The following ROBO1 variants were observed in gnomAD, a reference collection of about 807,000 sequenced individuals.
ROBO1 encodes roundabout guidance receptor 1.
Under a neutral mutation model 195.9 loss-of-function variants are expected in ROBO1, and 149 were observed. That is an observed-to-expected ratio of 0.76 (90% CI 0.67 to 0.87). The LOEUF is 0.87. ROBO1 is among the 40% of genes least tolerant of loss of function. The pLI, the probability that ROBO1 is intolerant of heterozygous loss-of-function variation, is 0.00. For missense variants in ROBO1, 1,933 were observed against 2,068.3 expected (o/e 0.93, Z 1.27); for synonymous variants, 816 against 733.2 (o/e 1.11, Z -1.82).
intron 23 of ROBO1, among the ~76,000 whole-genome samples, 173 bp downstream of exon 23, chr3:78,635,600 T>C (rs908793546): frequency 3.3e-5 from 5 of 152,198 alleles, no homozygotes; most frequent in Admixed American, 2.6e-4. Flanking sequence ...TCCAAGGTTA[T>C]TGTTGTGCTA....
intron 1 of ROBO1, among the ~76,000 whole-genome samples, chr3:79,592,307 T>C (rs1217146009): frequency 6.6e-6 from 1 of 151,948 alleles, no homozygotes. Context: ...GTTATATTAT[T>C]CAACAGGCAG....
chr3:79,068,792 T>C (rs1013436359), intron 3 of ROBO1, among the ~76,000 whole-genome samples: 2 of 151,888 alleles, frequency 1.3e-5, no homozygotes, highest in Admixed American at 6.6e-5. Context: ...ACTTTCTCAA[T>C]TATTATTCTG....
At chr3:79,727,709 C>T (rs965097909) in intron 1 of ROBO1, among the ~76,000 whole-genome samples, 2 of 152,082 alleles carry the variant, frequency 1.3e-5, no homozygotes, top group Non-Finnish European at 2.9e-5. Flanking sequence ...TTTAAAAAAT[C>T]ATGTATTTTA....
At chr3:79,714,563 G>A (rs1345062888) in intron 1 of ROBO1, among the ~76,000 whole-genome samples, 1 of 151,392 alleles carries the variant, frequency 6.6e-6, no homozygotes, top group African/African-American at 2.4e-5. Context: ...TGTTTATTGT[G>A]GCACTATTCA....
At chr3:79,544,878 G>C (rs968519628) in intron 2 of ROBO1, among the ~76,000 whole-genome samples, 3 of 151,888 alleles carry the variant, frequency 2.0e-5, no homozygotes, top group Non-Finnish European at 4.4e-5. Context: ...TGAACTTAAG[G>C]TTTCTTTTTT....
intron 1 of ROBO1, among the ~76,000 whole-genome samples, chr3:79,655,716 T>A (rs1560074170): frequency 6.6e-6 from 1 of 152,032 alleles, no homozygotes; most frequent in Non-Finnish European, 1.5e-5. Context: ...ACTCAAAATA[T>A]AAGTGTTGAC....
chr3:79,432,185 C>T (rs1238593104), intron 2 of ROBO1, among the ~76,000 whole-genome samples: 1 of 152,016 alleles, frequency 6.6e-6, no homozygotes, highest in African/African-American at 2.4e-5. Context: ...CTCCTTAATG[C>T]CATTTCCTTC....
At chr3:79,142,874 TAAGGA>T (rs1282015399) in intron 2 of ROBO1, among the ~76,000 whole-genome samples, 1 of 152,148 alleles carries the variant, frequency 6.6e-6, no homozygotes, top group Non-Finnish European at 1.5e-5. Flanking sequence ...ATGAACATTT[TAAGGA>T]AATATTATAG....
At chr3:79,304,264 A>G (rs1380953206) in intron 2 of ROBO1, among the ~76,000 whole-genome samples, 1 of 152,190 alleles carries the variant, frequency 6.6e-6, no homozygotes, top group Non-Finnish European at 1.5e-5. Flanking sequence ...TAATTATGTA[A>G]TACACTTAAT....
chr3:79,515,526 C>T (rs1036508147), intron 2 of ROBO1, among the ~76,000 whole-genome samples: 3 of 152,122 alleles, frequency 2.0e-5, no homozygotes, highest in East Asian at 1.9e-4. Flanking sequence ...GTTAACAATT[C>T]GTATCCTTAG....
chr3:79,559,552 A>G (rs1942830130), intron 2 of ROBO1, among the ~76,000 whole-genome samples: 1 of 152,204 alleles, frequency 6.6e-6, no homozygotes, highest in Non-Finnish European at 1.5e-5. Flanking sequence ...TGTGAAAATC[A>G]AAGTGTAAGC....
chr3:79,351,973 C>T (rs1257351997), intron 2 of ROBO1, among the ~76,000 whole-genome samples: 3 of 152,140 alleles, frequency 2.0e-5, no homozygotes, highest in African/African-American at 7.2e-5. Flanking sequence ...TAAAAATAAG[C>T]TAACTGCCAT....
intron 3 of ROBO1, among the ~76,000 whole-genome samples, chr3:78,952,997 T>C (rs566250352): frequency 6.6e-6 from 1 of 152,176 alleles, no homozygotes; most frequent in East Asian, 1.9e-4. Context: ...ATGCCTGGTG[T>C]TTTTGTAATA....
At chr3:79,017,115 AG>A (rs1453959020) in intron 3 of ROBO1, among the ~76,000 whole-genome samples, 2 of 152,204 alleles carry the variant, frequency 1.3e-5, no homozygotes, top group Non-Finnish European at 2.9e-5. Flanking sequence ...TCTTTAAAGA[AG>A]TAACAATTTA....
chr3:79,227,942 T>A (rs1051507008), intron 2 of ROBO1, among the ~76,000 whole-genome samples: 7 of 152,198 alleles, frequency 4.6e-5, no homozygotes, highest in African/African-American at 1.4e-4. Flanking sequence ...TCAATAATTG[T>A]TCATTTTCTT....
At chr3:79,220,354 T>C (rs2082116695) in intron 2 of ROBO1, among the ~76,000 whole-genome samples, 1 of 152,146 alleles carries the variant, frequency 6.6e-6, no homozygotes, top group South Asian at 2.1e-4. Flanking sequence ...TTAGTGTTTA[T>C]ATGTCTGTTT....
At chr3:78,615,845 T>C (rs930105771) in intron 27 of ROBO1, among the ~76,000 whole-genome samples, 6 of 152,212 alleles carry the variant, frequency 3.9e-5, no homozygotes, top group Admixed American at 2.0e-4. Context: ...TGATTGGATA[T>C]TCATATTAAC....
At chr3:79,742,355 C>T (rs1703683209) in intron 1 of ROBO1, among the ~76,000 whole-genome samples, 1 of 152,192 alleles carries the variant, frequency 6.6e-6, no homozygotes, top group Non-Finnish European at 1.5e-5. Flanking sequence ...ACATAGCGTC[C>T]TGGATCCCAG....
intron 16 of ROBO1, 32 bp from the exon 17 acceptor site, chr3:78,659,839 G>A: frequency 6.4e-7 from 1 of 1,571,620 alleles, no homozygotes; most frequent in Non-Finnish European, 8.6e-7. Flanking sequence ...TAGGTTATTA[G>A]AATGTGCTAG....
Sources: allele counts gnomAD v4.1 joint callset (sites outside exome capture counted in the v4.1 genomes callset), GRCh38; gene constraint gnomAD v4.1.1; transcripts MANE v1.5; gene names NCBI Gene and HGNC (gene_info 2026-07-23, HGNC 2026-07-21).